Variants in C9orf43 observed in about 807,000 individuals in gnomAD.
C9orf43 encodes the protein uncharacterized protein C9orf43.
A neutral mutation model predicts 59.1 loss-of-function variants in C9orf43; 45 were observed. The observed-to-expected ratio is 0.76, with a 90% CI of 0.60 to 0.98. C9orf43 has a LOEUF of 0.98. C9orf43 is among the 50% of genes least tolerant of loss of function. The probability of loss-of-function intolerance (pLI) is 0.00; values close to 1 mark genes in which losing one functional copy is unlikely to be tolerated. For missense variants in C9orf43, 533 were observed against 554.9 expected (o/e 0.96, Z 0.40); for synonymous variants, 203 against 196.8 (o/e 1.03, Z -0.26).
At chr9:113,415,180 G>C (rs1327691108) in intron 3 of C9orf43, among the ~76,000 whole-genome samples, 2 of 151,492 alleles carry the variant, frequency 1.3e-5, no homozygotes, top group African/African-American at 4.8e-5. Context: ...GTCTTACTTT[G>C]TTGCCTAGCC....
chr9:113,425,592 T>C (rs1288501712), intron 10 of C9orf43, 51 bp from the exon 11 acceptor site: 20 of 1,581,900 alleles, frequency 1.3e-5, no homozygotes, highest in Middle Eastern at 1.7e-4. Context: ...TTGAAAAAAG[T>C]TTTCTTTACT....
intron 8 of C9orf43, 147 bp from the exon 9 acceptor site, chr9:113,424,872 C>A: frequency 1.5e-6 from 1 of 653,924 alleles, no homozygotes. Flanking sequence ...CTTTTCCCTT[C>A]CTCCGTAGCC....
At chr9:113,423,599 A>G in intron 7 of C9orf43, 101 bp downstream of exon 7, 1 of 1,124,074 alleles carries the variant, frequency 8.9e-7, no homozygotes, top group African/African-American at 1.5e-5. Flanking sequence ...GACTGGGAGA[A>G]AACTATCACC....
At chr9:113,416,082 C>T (rs984835143) in intron 3 of C9orf43, among the ~76,000 whole-genome samples, 2 of 152,208 alleles carry the variant, frequency 1.3e-5, no homozygotes, top group African/African-American at 2.4e-5. Context: ...CCTGTTTACA[C>T]GCCTTCTTCC....
rs958019313 is a variant in C9orf43, at chr9:113,413,850, T to G, written c.243T>G (p.Ser81=). Residue 81 remains serine, a synonymous_variant, in exon 3 of 14, where the codon TCT becomes TCG. Coordinates refer to ENST00000374165, the MANE Select transcript of C9orf43 (RefSeq NM_001278629.2). ...LPECTFTKAH[S]LLSQSSKFYS... is the part of the protein sequence containing the mutation. ...AATGTACCTTTACTAAGGCCCATTC[T>G]TTATTGTCTCAGAGTTCAAAGTTTT... The G allele has an allele frequency of 6.8e-6, 11 of 1,613,652 alleles. No individual in the cohort carries two copies. The highest frequency in any genetic ancestry group is 8.5e-6 in the Non-Finnish European group (10 of 1,179,854).
In C9orf43 at chr9:113,425,645, G is replaced by A. The variant is rs1477092949; in HGVS notation, c.945G>A (p.Glu315=). ...KKVKTPIKKQ[E]AKKKAKSDPG... is the part of the protein sequence containing the mutation. ...GTTCCTCCTGATGTGGGTTTCAGGAGGCTAAAAAGAAAGCCAAGAGTGATC... is the reference window on the plus strand; with the variant it reads ...GTTCCTCCTGATGTGGGTTTCAGGAAGCTAAAAAGAAAGCCAAGAGTGATC... The change falls in exon 11 of 14, where the codon GAG becomes GAA. Residue 315 remains glutamate, a splice_region_variant and synonymous_variant. Coordinates refer to ENST00000374165, the MANE Select transcript of C9orf43 (RefSeq NM_001278629.2). 3 of 1,613,854 alleles carry A rather than the reference G, an allele frequency of 1.9e-6. No individual in the cohort carries two copies. Among genetic ancestry groups the A allele is most frequent in the Non-Finnish European group, 2.5e-6 (3 of 1,179,938 alleles).
At chr9:113,425,596 C>T (rs1479390900) in intron 10 of C9orf43, 47 bp from the exon 11 acceptor site, 1 of 1,586,062 alleles carries the variant, frequency 6.3e-7, no homozygotes, top group Non-Finnish European at 8.6e-7. Flanking sequence ...AAAAAGTTTT[C>T]TTTACTTCCA....
At position 113,428,935 on chromosome 9, in the gene C9orf43, C is replaced by T; in HGVS notation, c.1143C>T (p.Asp381=). 1 of 1,613,812 alleles carries T rather than the reference C, an allele frequency of 6.2e-7. No homozygotes were observed. Residue 381 remains aspartate, a synonymous_variant, in exon 13 of 14, where the codon GAC becomes GAT. Coordinates refer to ENST00000374165, the MANE Select transcript of C9orf43 (RefSeq NM_001278629.2). ...AGAGACCAAAGATGAACTACTATGA[C>T]CATGCGGATTTCCACCACAGTGTAA... ...STERPKMNYY[D]HADFHHSVKS...
At position 113,410,829 on chromosome 9, in the gene C9orf43, C is replaced by A; in HGVS notation, c.-222C>A. 3.7e-6 allele frequency: 2 copies of A among 545,074 alleles called. No homozygotes were observed. The highest frequency in any genetic ancestry group is 4.7e-6 in the Non-Finnish European group (2 of 424,056). 33.8% of individuals were successfully genotyped at this position (545,074 alleles called of 1,614,324 possible). ...GGCCACGTTTTACCACTTGATTTAG[C>A]AACCCTAAGCGGTTTGGAATCTGCT... On this transcript the variant is annotated 5_prime_UTR_variant, in exon 1 of 14. Transcript: ENST00000374165.
chr9:113,419,291 A>G, intron 4 of C9orf43, 126 bp downstream of exon 4: 2 of 682,966 alleles, frequency 2.9e-6, no homozygotes, highest in South Asian at 4.0e-5. Context: ...GTTGATAGTA[A>G]CCATCTAATA....
intron 11 of C9orf43, 116 bp downstream of exon 11, chr9:113,425,846 C>CA: frequency 2.5e-6 from 2 of 813,370 alleles, no homozygotes; most frequent in South Asian, 1.5e-5. Context: ...GTCAGGCACT[C>CA]AGAGTTTCTT....
In C9orf43 at chr9:113,429,500, C is replaced by A; in HGVS notation, c.*114C>A. 3.7e-6 allele frequency: 3 copies of A among 815,390 alleles called. No homozygotes were observed. The highest frequency in any genetic ancestry group is 3.9e-6 in the Non-Finnish European group (2 of 510,216). The allele number at this position is 815,390 out of a possible 1,614,324, so 50.5% of individuals were successfully genotyped here. ...TCACATAAGGGCAAGAGGAGAGGGG[C>A]TTCTGCTCTCTGGAGCCTTTACCAG... On this transcript the variant is annotated 3_prime_UTR_variant, in exon 14 of 14. Coordinates refer to ENST00000374165, the MANE Select transcript of C9orf43 (RefSeq NM_001278629.2).
At chr9:113,415,400 A>G (rs767502074) in intron 3 of C9orf43, among the ~76,000 whole-genome samples, 3 of 152,220 alleles carry the variant, frequency 2.0e-5, no homozygotes, top group Non-Finnish European at 4.4e-5. Flanking sequence ...GTGCTTAAAA[A>G]TGGCTAAAAT....
At chr9:113,414,303 C>T (rs1828279491) in intron 3 of C9orf43, among the ~76,000 whole-genome samples, 1 of 151,834 alleles carries the variant, frequency 6.6e-6, no homozygotes, top group African/African-American at 2.4e-5. Flanking sequence ...AGGGTCTCAC[C>T]CTGTCACCCA....
At chr9:113,415,148 T>C (rs532216051) in intron 3 of C9orf43, among the ~76,000 whole-genome samples, 1 of 149,058 alleles carries the variant, frequency 6.7e-6, no homozygotes, top group South Asian at 2.1e-4. Context: ...TTCTATTTCC[T>C]TTTTTTTTGG....
At chr9:113,427,661 C>T (rs1244574368) in intron 11 of C9orf43, among the ~76,000 whole-genome samples, 5 of 152,096 alleles carry the variant, frequency 3.3e-5, no homozygotes, top group Admixed American at 6.5e-5. Context: ...TATAATTTAG[C>T]ATAATACCTC....
At chr9:113,419,021 A>T in intron 3 of C9orf43, 87 bp from the exon 4 acceptor site, 1 of 1,059,004 alleles carries the variant, frequency 9.4e-7, no homozygotes, top group East Asian at 2.4e-5. Flanking sequence ...TTCTGTAGAT[A>T]AGTAGAAGGA....
intron 6 of C9orf43, 145 bp downstream of exon 6, chr9:113,422,730 T>A (rs1255446031): frequency 1.0e-5 from 9 of 902,234 alleles, no homozygotes; most frequent in Non-Finnish European, 1.5e-5. Flanking sequence ...TAGGAATAAT[T>A]AACCAAACCA....
At chr9:113,425,323 A>G (rs762877652) in intron 9 of C9orf43, 21 bp from the exon 10 acceptor site, 1 of 1,613,760 alleles carries the variant, frequency 6.2e-7, no homozygotes, top group Non-Finnish European at 8.5e-7. Flanking sequence ...AAGAGGATCA[A>G]GCTGGCTCTC....
Sources: allele counts gnomAD v4.1 joint callset (sites outside exome capture counted in the v4.1 genomes callset), GRCh38; gene constraint gnomAD v4.1.1; transcripts MANE v1.5; gene names NCBI Gene and HGNC (gene_info 2026-07-23, HGNC 2026-07-21).